Variants in RBFOX1 observed in about 807,000 individuals in gnomAD.
RBFOX1 encodes RNA binding fox-1 homolog 1, also known as RNA binding protein fox-1 homolog 1.
A neutral mutation model predicts 57.7 loss-of-function variants in RBFOX1; 8 were observed. The observed-to-expected ratio is 0.14, with a 90% CI of 0.08 to 0.25. The LOEUF (loss-of-function observed/expected upper bound fraction) is 0.25, where lower values mean the gene tolerates loss of function less well. Ranked by LOEUF, RBFOX1 falls within the 10% of genes least tolerant of loss-of-function variation. The pLI, the probability that RBFOX1 is intolerant of heterozygous loss-of-function variation, is 1.00. For synonymous variants in RBFOX1, 326 were observed against 222.4 expected (o/e 1.47, Z -4.15); for missense variants, 611 against 548.5 (o/e 1.11, Z -1.14).
At chr16:6,272,907 A>G (rs1025354635) in intron 1 of RBFOX1, among the ~76,000 whole-genome samples, 1 of 152,208 alleles carries the variant, frequency 6.6e-6, no homozygotes, top group Non-Finnish European at 1.5e-5. Context: ...TTTATACAAA[A>G]AAGGCTCAAA....
At chr16:6,397,329 T>C (rs2092881370) in intron 2 of RBFOX1, among the ~76,000 whole-genome samples, 1 of 152,126 alleles carries the variant, frequency 6.6e-6, no homozygotes, top group Admixed American at 6.6e-5. Flanking sequence ...TGGGGCATAG[T>C]GATATCCGTG....
intron 3 of RBFOX1, among the ~76,000 whole-genome samples, chr16:6,851,937 T>TC (rs1182302181): frequency 6.6e-6 from 1 of 151,402 alleles, no homozygotes; most frequent in East Asian, 1.9e-4. Flanking sequence ...TTTTTTTTTT[T>TC]TTTCTTTTTT....
At chr16:7,455,270 C>G (rs1015209323) in intron 4 of RBFOX1, among the ~76,000 whole-genome samples, 4 of 152,084 alleles carry the variant, frequency 2.6e-5, no homozygotes, top group Non-Finnish European at 5.9e-5. Context: ...ATATGTATTC[C>G]TTGGATACAT....
intron 3 of RBFOX1, among the ~76,000 whole-genome samples, chr16:7,029,493 G>C (rs1262880542): frequency 1.3e-5 from 2 of 151,820 alleles, no homozygotes; most frequent in African/African-American, 2.4e-5. Context: ...GACAAAGTCA[G>C]TGTTGGTGAA....
intron 4 of RBFOX1, among the ~76,000 whole-genome samples, chr16:7,351,683 C>G (rs1386431684): frequency 6.6e-6 from 1 of 152,116 alleles, no homozygotes; most frequent in East Asian, 1.9e-4. Flanking sequence ...CTGGGTTTGC[C>G]TTAGAGACAC....
intron 2 of RBFOX1, among the ~76,000 whole-genome samples, chr16:6,611,604 C>T (rs988390572): frequency 6.6e-6 from 1 of 152,196 alleles, no homozygotes; most frequent in African/African-American, 2.4e-5. Flanking sequence ...CCGTGTTCCG[C>T]TGTTCAAGGA....
At chr16:5,882,941 C>G (rs1394114140) in intron 4 of RBFOX1, among the ~76,000 whole-genome samples, 14 of 152,122 alleles carry the variant, frequency 9.2e-5, no homozygotes, top group Admixed American at 9.2e-4. Context: ...AAAATGCAGT[C>G]TATTCTTTTT....
At chr16:7,337,746 G>A (rs191312115) in intron 4 of RBFOX1, among the ~76,000 whole-genome samples, 9 of 152,242 alleles carry the variant, frequency 5.9e-5, no homozygotes, top group South Asian at 2.1e-4. Context: ...GTGCAGGGGC[G>A]CAATCTCGGC....
intron 3 of RBFOX1, among the ~76,000 whole-genome samples, chr16:6,903,745 A>C (rs1428430394): frequency 6.6e-6 from 1 of 152,176 alleles, no homozygotes; most frequent in Non-Finnish European, 1.5e-5. Context: ...CCTCAAAAGA[A>C]AGAGGTGAGA....
At chr16:6,727,151 CT>C in intron 3 of RBFOX1, among the ~76,000 whole-genome samples, 1 of 150,204 alleles carries the variant, frequency 6.7e-6, no homozygotes, top group Non-Finnish European at 1.5e-5. Context: ...ATATATTTGC[CT>C]TCAAAAGTCG....
chr16:5,962,746 G>T (rs1181134884), intron 4 of RBFOX1, among the ~76,000 whole-genome samples: 1 of 151,792 alleles, frequency 6.6e-6, no homozygotes, highest in Non-Finnish European at 1.5e-5. Flanking sequence ...CTGTTTCTTG[G>T]GCTCTGGATT....
At chr16:6,839,605 G>A (rs189031894) in intron 3 of RBFOX1, among the ~76,000 whole-genome samples, 10 of 152,104 alleles carry the variant, frequency 6.6e-5, no homozygotes, top group Admixed American at 5.2e-4. Context: ...CTTGTCTTTC[G>A]GGGACCTTGG....
At chr16:5,363,602 T>C (rs954031806) in intron 1 of RBFOX1, among the ~76,000 whole-genome samples, 4 of 152,190 alleles carry the variant, frequency 2.6e-5, no homozygotes, top group Non-Finnish European at 4.4e-5. Context: ...TGACCTGACT[T>C]TTCCCAACAC....
intron 1 of RBFOX1, among the ~76,000 whole-genome samples, chr16:5,259,457 G>C (rs2062675374): frequency 6.6e-6 from 1 of 152,118 alleles, no homozygotes; most frequent in African/African-American, 2.4e-5. Flanking sequence ...TGGGCTCTTT[G>C]ACTCCATCTT....
chr16:5,285,888 C>T (rs1189461495), intron 1 of RBFOX1, among the ~76,000 whole-genome samples: 2 of 152,146 alleles, frequency 1.3e-5, no homozygotes, highest in Non-Finnish European at 1.5e-5. Context: ...TCTCCTGCCT[C>T]AGCCTCCTGA....
intron 3 of RBFOX1, among the ~76,000 whole-genome samples, chr16:5,810,003 G>T (rs1006532178): frequency 2.4e-4 from 36 of 152,224 alleles, no homozygotes; most frequent in Non-Finnish European, 4.7e-4. Context: ...CCATAAAAAA[G>T]GATGAGTTCA....
chr16:5,815,757 G>A (rs865934011), intron 3 of RBFOX1, among the ~76,000 whole-genome samples: 5 of 152,120 alleles, frequency 3.3e-5, no homozygotes, highest in South Asian at 4.1e-4. Context: ...ATCACCCCAC[G>A]CTTCCGAACA....
chr16:5,831,536 C>G lies in RBFOX1; in HGVS notation c.319-35767C>G, dbSNP rs1391502898. ...AGATGGAGTTTCGCTCTTGTCCAGG[C>G]CAGAGTGCAGTGGCACAATCTCAGC... is the stretch of plus-strand genomic sequence containing the variant. On this transcript the variant is annotated intron_variant, in intron 3 of 19. Coordinates refer to the RBFOX1 transcript ENST00000641259. 2.0e-5 allele frequency among the ~76,000 whole-genome samples: 3 copies of G among 148,552 alleles called. No homozygotes were observed. The South Asian group carries it at 6.4e-4, about 31-fold the overall frequency.
At chr16:7,501,616 T>C (rs980129127) in intron 4 of RBFOX1, among the ~76,000 whole-genome samples, 13 of 152,346 alleles carry the variant, frequency 8.5e-5, no homozygotes, top group African/African-American at 3.1e-4. Flanking sequence ...TACTTTGTTT[T>C]CTTTGATTCT....
Sources: gnomAD v4.1 joint callset for allele counts (sites outside exome capture counted in the v4.1 genomes callset) on GRCh38, gnomAD v4.1.1 for gene constraint, MANE v1.5 for transcripts, NCBI Gene and HGNC (gene_info 2026-07-23, HGNC 2026-07-21) for gene names.